NBDY: variants seen among roughly 807,000 people sequenced by gnomAD.
The protein encoded by NBDY is negative regulator of P-body association.
intron 2 of NBDY, among the ~76,000 whole-genome samples, chrX:56,784,415 C>T (rs1200408919): frequency 1.8e-5 from 2 of 111,590 alleles, no homozygotes; most frequent in African/African-American, 3.3e-5. Context: ...CATCTGTGCC[C>T]AGGGGTGGGA....
intron 2 of NBDY, among the ~76,000 whole-genome samples, chrX:56,732,746 G>T (rs1010609990): frequency 9.0e-6 from 1 of 111,237 alleles, no homozygotes; most frequent in African/African-American, 3.3e-5. Flanking sequence ...CTCAAGTTAA[G>T]GAACTTTCTT....
At chrX:56,794,738 A>G (rs940166215) in intron 2 of NBDY, among the ~76,000 whole-genome samples, 2 of 112,249 alleles carry the variant, frequency 1.8e-5, no homozygotes, top group African/African-American at 6.5e-5. Flanking sequence ...CAGGTCTCCT[A>G]AGAAGAGACC....
chrX:56,805,860 G>A (rs1244849643), intron 2 of NBDY, among the ~76,000 whole-genome samples: 1 of 111,033 alleles, frequency 9.0e-6, no homozygotes, highest in Non-Finnish European at 1.9e-5. Context: ...TGGGGTACAT[G>A]TGCAGAACAC....
chrX:56,806,498 T>C (rs1462613100), intron 2 of NBDY, among the ~76,000 whole-genome samples: 1 of 112,389 alleles, frequency 8.9e-6, no homozygotes, highest in African/African-American at 3.2e-5. Context: ...TCTGACTTTT[T>C]AATGATCACC....
chrX:56,747,306 G>T (rs2069562603), intron 2 of NBDY, among the ~76,000 whole-genome samples: 1 of 111,885 alleles, frequency 8.9e-6, no homozygotes, highest in Non-Finnish European at 1.9e-5. Flanking sequence ...TTCTATAAGA[G>T]AATACAAGAA....
intron 2 of NBDY, among the ~76,000 whole-genome samples, chrX:56,750,467 T>TAA (rs56230643): frequency 1.0e-4 from 11 of 108,236 alleles, no homozygotes; most frequent in Admixed American, 3.0e-4. Flanking sequence ...CTGGGTTAAA[T>TAA]AAAAAAAATA....
At chrX:56,753,988 G>A (rs759665553) in intron 2 of NBDY, among the ~76,000 whole-genome samples, 85 of 111,342 alleles carry the variant, frequency 7.6e-4, no homozygotes, top group African/African-American at 2.8e-3. Flanking sequence ...AGCAAAAGGG[G>A]AAGAAAGTTA....
chrX:56,800,507 AC>A (rs1294925159), intron 2 of NBDY, among the ~76,000 whole-genome samples: 1 of 111,258 alleles, frequency 9.0e-6, no homozygotes, highest in Non-Finnish European at 1.9e-5. Context: ...CTCTGTGTGG[AC>A]CCAGTACAAA....
At chrX:56,794,876 G>T (rs2069784476) in intron 2 of NBDY, among the ~76,000 whole-genome samples, 1 of 112,493 alleles carries the variant, frequency 8.9e-6, no homozygotes, top group Admixed American at 9.4e-5. Flanking sequence ...CCATCCAGCT[G>T]CAGGGATTCG....
chrX:56,737,478 T>G lies in NBDY; in HGVS notation c.*166+5279T>G, dbSNP rs780382482. On this transcript the variant is annotated intron_variant, in intron 2 of 2. Transcript: ENST00000374922. The stretch of plus-strand genomic sequence containing the variant: ...TCATCCTCATATATTGTATCATCTC[T>G]CATTAACCCCAGTTTATTGAATCCT... 212 of 789,193 alleles carry G rather than the reference T, an allele frequency of 2.7e-4. 1 individual carries two copies. In the Middle Eastern group the frequency reaches 7.6e-3, roughly 28 times the overall value. The allele number at this position is 789,193 out of a possible 1,213,427, so 65.0% of individuals were successfully genotyped here.
chrX:56,816,464 G>C (rs1290614439), intron 2 of NBDY, among the ~76,000 whole-genome samples: 8 of 111,092 alleles, frequency 7.2e-5, no homozygotes, highest in Non-Finnish European at 1.3e-4. Context: ...AAATTGGCTT[G>C]CTTGTAGTAA....
intron 2 of NBDY, among the ~76,000 whole-genome samples, chrX:56,815,503 GTC>G (rs1569294068): frequency 9.0e-6 from 1 of 111,683 alleles, no homozygotes; most frequent in Non-Finnish European, 1.9e-5. Flanking sequence ...TGATTAGCTT[GTC>G]TCTCATACAT....
At chrX:56,801,172 G>T (rs953351712) in intron 2 of NBDY, among the ~76,000 whole-genome samples, 1 of 111,496 alleles carries the variant, frequency 9.0e-6, no homozygotes, top group African/African-American at 3.3e-5. Flanking sequence ...CTTTCACCGG[G>T]ACATCACAGG....
intron 2 of NBDY, among the ~76,000 whole-genome samples, chrX:56,782,667 G>A (rs1369269856): frequency 8.9e-6 from 1 of 111,897 alleles, no homozygotes; most frequent in African/African-American, 3.3e-5. Flanking sequence ...GGATGCACTA[G>A]GTGTGTAATC....
intron 2 of NBDY, among the ~76,000 whole-genome samples, chrX:56,754,725 G>C (rs965316530): frequency 1.8e-5 from 2 of 111,115 alleles, no homozygotes; most frequent in African/African-American, 3.3e-5. Flanking sequence ...AGCTGTAAAT[G>C]TCAACATTAG....
At chrX:56,755,570 G>A (rs367864389) in intron 2 of NBDY, among the ~76,000 whole-genome samples, 6 of 110,084 alleles carry the variant, frequency 5.5e-5, no homozygotes, top group African/African-American at 2.0e-4. Context: ...TCAGAGAAAT[G>A]CAAATCAAAA....
At chrX:56,763,723 G>A (rs1195998946) in intron 2 of NBDY, among the ~76,000 whole-genome samples, 1 of 112,830 alleles carries the variant, frequency 8.9e-6, no homozygotes, top group African/African-American at 3.2e-5. Flanking sequence ...GATTCCCACA[G>A]GATCTCCAGC....
chrX:56,794,506 C>T (rs1252205987), intron 2 of NBDY, among the ~76,000 whole-genome samples: 2 of 112,141 alleles, frequency 1.8e-5, no homozygotes, highest in African/African-American at 3.2e-5. Context: ...CGGAAACCTG[C>T]AACAGTAGGA....
intron 2 of NBDY, among the ~76,000 whole-genome samples, chrX:56,808,459 A>T (rs2069866379): frequency 8.9e-6 from 1 of 111,980 alleles, no homozygotes; most frequent in African/African-American, 3.2e-5. Flanking sequence ...CTATTCAGGG[A>T]TTCAACTTCT....
Sources: allele counts gnomAD v4.1 joint callset (sites outside exome capture counted in the v4.1 genomes callset), GRCh38; gene constraint gnomAD v4.1.1; transcripts MANE v1.5; gene names NCBI Gene and HGNC (gene_info 2026-07-23, HGNC 2026-07-21).